The following TEAD2 variants were observed in gnomAD, a reference collection of about 807,000 sequenced individuals.
TEAD2 encodes the protein transcriptional enhancer factor TEF-4.
In TEAD2, 51 loss-of-function variants were observed where a neutral mutation model predicts 61.4. The observed-to-expected ratio is 0.83, with a 90% CI of 0.66 to 1.05. TEAD2 has a LOEUF of 1.05. Among genes scored for constraint, TEAD2 ranks in the 50% least tolerant of loss-of-function variants. The pLI is 0.00. For missense variants in TEAD2, 509 were observed against 600.0 expected, an observed-to-expected ratio of 0.85 and a Z score of 1.58; for synonymous variants, 244 against 243.2, an observed-to-expected ratio of 1.00 and a Z score of -0.03.
chr19:49,343,123 T>C, intron 11 of TEAD2, 108 bp downstream of exon 11: 6 of 1,331,742 alleles, frequency 4.5e-6, no homozygotes, highest in South Asian at 1.5e-5. Flanking sequence ...TCAAAGAGGC[T>C]GGGACCCACT....
chr19:49,360,108 TTCCC>T, intron 1 of TEAD2, 27 bp from the exon 2 acceptor site: 1 of 1,571,462 alleles, frequency 6.4e-7, no homozygotes, highest in East Asian at 2.2e-5. Context: ...CTCAGCAAGC[TTCCC>T]CCAAACCCCA....
At chr19:49,344,893 A>T (rs915238129) in intron 10 of TEAD2, among the ~76,000 whole-genome samples, 2 of 152,134 alleles carry the variant, frequency 1.3e-5, no homozygotes, top group African/African-American at 4.8e-5. Flanking sequence ...GGGCCTAAGG[A>T]AGCCTAAGAG....
In TEAD2 at chr19:49,342,428, C is replaced by T. The variant is rs1568557177; in HGVS notation, c.1242+10G>A. 2 of 1,611,642 alleles carry T rather than the reference C, an allele frequency of 1.2e-6. No individual in the cohort carries two copies. Among genetic ancestry groups the T allele is most frequent in the East Asian group, 2.2e-5 (1 of 44,768 alleles). ...GGGGGGCCCCACTCCAGCCCAGCCCCAGGCATCACCTGGAGGATGGTGAAG... is the reference window on the plus strand; with the variant it reads ...GGGGGGCCCCACTCCAGCCCAGCCCTAGGCATCACCTGGAGGATGGTGAAG... On this transcript the variant is annotated intron_variant, in intron 12 of 12. Coordinates refer to ENST00000593945, the MANE Select transcript of TEAD2 (RefSeq NM_001256660.2).
chr19:49,343,171 G>C, intron 11 of TEAD2, 60 bp downstream of exon 11: 1 of 1,525,206 alleles, frequency 6.6e-7, no homozygotes, highest in Non-Finnish European at 8.8e-7. Context: ...AGTCATGATG[G>C]CTTCTGGTCC....
intron 8 of TEAD2, among the ~76,000 whole-genome samples, chr19:49,349,530 G>A (rs1971875309): frequency 6.6e-6 from 1 of 151,796 alleles, no homozygotes; most frequent in Non-Finnish European, 1.5e-5. Context: ...CTTGGGTCAT[G>A]GGGGTGGATC....
Position 49,347,217 on chromosome 19 carries a change from G to T in TEAD2, c.894C>A (p.Pro298=), listed in dbSNP as rs536161124. 18 of 1,613,996 alleles carry T rather than the reference G, an allele frequency of 1.1e-5. No homozygotes were observed. Among genetic ancestry groups the T allele is most frequent in the Non-Finnish European group, 1.4e-5 (16 of 1,179,972 alleles). The change falls in exon 10 of 13, where the codon CCC becomes CCA. Residue 298 remains proline, a synonymous_variant. Transcript: ENST00000593945. ...GLRELYDRGP[P]HAFFLVKFWA... is the part of the protein sequence containing the mutation. Reference sequence around the variant, plus strand: ...AGAACTTGACCAGGAAGAAGGCATGGGGGGGGCCACGATCATATAGCTCTC... The same window carrying T: ...AGAACTTGACCAGGAAGAAGGCATGTGGGGGGCCACGATCATATAGCTCTC...
At chr19:49,351,972 A>G (rs1433526622) in intron 7 of TEAD2, among the ~76,000 whole-genome samples, 1 of 151,338 alleles carries the variant, frequency 6.6e-6, no homozygotes, top group Non-Finnish European at 1.5e-5. Flanking sequence ...ACAGAGCAAG[A>G]CTCCATTTCA....
intron 10 of TEAD2, among the ~76,000 whole-genome samples, chr19:49,343,616 G>T (rs978251945): frequency 6.6e-6 from 1 of 151,996 alleles, no homozygotes; most frequent in African/African-American, 2.4e-5. Context: ...GTGCATGCTT[G>T]TAATCCCAGC....
At chr19:49,360,850 AGG>A (rs1972822331) in intron 1 of TEAD2, among the ~76,000 whole-genome samples, 1 of 88,092 alleles carries the variant, frequency 1.1e-5, no homozygotes, top group Non-Finnish European at 2.1e-5. Flanking sequence ...CCAGAGAGAG[AGG>A]GGGACAGAGA....
At chr19:49,349,413 A>C (rs1277785345) in intron 8 of TEAD2, among the ~76,000 whole-genome samples, 1 of 150,944 alleles carries the variant, frequency 6.6e-6, no homozygotes, top group Non-Finnish European at 1.5e-5. Context: ...CAGTGAGCCG[A>C]GATTGCGCCA....
At chr19:49,362,264 A>G (rs2146733906) in intron 1 of TEAD2, 69 bp downstream of exon 1, 1 of 152,468 alleles carries the variant, frequency 6.6e-6, no homozygotes, top group South Asian at 2.1e-4. Flanking sequence ...GCTGCGAACC[A>G]TTCAGAGACG....
At chr19:49,348,876 T>C in intron 8 of TEAD2, 31 bp from the exon 9 acceptor site, 1 of 1,470,576 alleles carries the variant, frequency 6.8e-7, no homozygotes, top group Non-Finnish European at 9.0e-7. Context: ...ACAATACAAA[T>C]TGCTAACATT....
intron 10 of TEAD2, among the ~76,000 whole-genome samples, chr19:49,344,580 CA>C (rs1390350049): frequency 6.6e-6 from 1 of 152,178 alleles, no homozygotes; most frequent in East Asian, 1.9e-4. Flanking sequence ...TGTGTCCAGC[CA>C]ATTCAACCTT....
intron 1 of TEAD2, among the ~76,000 whole-genome samples, chr19:49,361,042 GAGACCAGAGA>G (rs1258020451): frequency 0.017 from 1,359 of 80,156 alleles, 100 homozygotes; most frequent in African/African-American, 0.07. Flanking sequence ...GGGGGGGACA[GAGACCAGAGA>G]GGGGGACAGA....
At chr19:49,353,683 A>G (rs1029500518) in intron 7 of TEAD2, among the ~76,000 whole-genome samples, 3 of 144,284 alleles carry the variant, frequency 2.1e-5, no homozygotes, top group African/African-American at 5.2e-5. Context: ...CTCAGCCCCC[A>G]GGTACTTGAT....
chr19:49,342,527 C>A lies in TEAD2; in HGVS notation c.1153G>T (p.Glu385Ter). 6.2e-7 allele frequency: 1 copy of A among 1,614,128 alleles called. No individual in the cohort carries two copies. The highest frequency in any genetic ancestry group is 8.5e-7 in the Non-Finnish European group (1 of 1,179,994). ...VYRLLRSPMC[E>*]YLVNFLHKLR... The stretch of plus-strand genomic sequence containing the variant: ...TTGTGCAAGAAATTCACCAGGTACT[C>A]GCACATGGGCGAGCGCAGCAGGCGG... Residue 385 changes from glutamate (E) to a stop codon, truncating the protein, a stop_gained, in exon 12 of 13, where the codon GAG becomes TAG. Coordinates refer to ENST00000593945, the MANE Select transcript of TEAD2 (RefSeq NM_001256660.2). LOFTEE classifies it high-confidence loss of function.
At chr19:49,356,543 C>T (rs567476396) in intron 4 of TEAD2, among the ~76,000 whole-genome samples, 1 of 152,026 alleles carries the variant, frequency 6.6e-6, no homozygotes, top group Admixed American at 6.6e-5. Flanking sequence ...GGAATCTCCA[C>T]CAGGAAATGA....
chr19:49,355,612 A>C (rs1381785339), intron 5 of TEAD2, among the ~76,000 whole-genome samples, 193 bp from the exon 6 acceptor site: 1 of 152,112 alleles, frequency 6.6e-6, no homozygotes, highest in Non-Finnish European at 1.5e-5. Flanking sequence ...AGATCACTTG[A>C]GGTCAGGAGT....
rs183497054 is a variant in TEAD2, at chr19:49,340,869, G to A, written c.*455C>T. 53 of 205,454 alleles carry A rather than the reference G, an allele frequency of 2.6e-4. No homozygotes were observed. The highest frequency in any genetic ancestry group is 1.7e-3 in the Admixed American group (32 of 18,944). 12.7% of individuals were successfully genotyped at this position (205,454 alleles called of 1,614,324 possible). On this transcript the variant is annotated 3_prime_UTR_variant, in exon 13 of 13. Coordinates refer to ENST00000593945, the MANE Select transcript of TEAD2 (RefSeq NM_001256660.2). ...ACTTTGTGATCTCACAGGTCATGGA[G>A]TGAGGGTGGTAGAGAGGGGCAGAAA...
Sources: allele counts gnomAD v4.1 joint callset (sites outside exome capture counted in the v4.1 genomes callset), GRCh38; gene constraint gnomAD v4.1.1; transcripts MANE v1.5; gene names NCBI Gene and HGNC (gene_info 2026-07-23, HGNC 2026-07-21).